Variants in THSD7B observed in about 807,000 individuals in gnomAD.
The protein encoded by THSD7B is thrombospondin type 1 domain containing 7B, also known as thrombospondin type-1 domain-containing protein 7B.
A neutral mutation model predicts 213.6 loss-of-function variants in THSD7B; 138 were observed. The observed-to-expected ratio is 0.65, with a 90% CI of 0.56 to 0.74. The LOEUF (loss-of-function observed/expected upper bound fraction) is 0.74, where lower values mean the gene tolerates loss of function less well. Among genes scored for constraint, THSD7B ranks in the 30% least tolerant of loss-of-function variants. The pLI, the probability that THSD7B is intolerant of heterozygous loss-of-function variation, is 0.00. For missense variants in THSD7B, 1,931 were observed against 1,991.5 expected (o/e 0.97, Z 0.58); for synonymous variants, 742 against 687.0 (o/e 1.08, Z -1.25).
At chr2:137,490,764 T>TAC (rs1363591346) in intron 15 of THSD7B, among the ~76,000 whole-genome samples, 2 of 152,194 alleles carry the variant, frequency 1.3e-5, no homozygotes, top group African/African-American at 4.8e-5. Context: ...CCTACTAGGG[T>TAC]CTGAGGGTCC....
chr2:137,393,599 T>G (rs963287375), intron 12 of THSD7B, among the ~76,000 whole-genome samples: 12 of 146,800 alleles, frequency 8.2e-5, no homozygotes, highest in African/African-American at 3.0e-4. Flanking sequence ...TTTGCTATTG[T>G]GAATAATGCC....
At chr2:137,323,055 G>A (rs545581638) in intron 12 of THSD7B, among the ~76,000 whole-genome samples, 1 of 152,244 alleles carries the variant, frequency 6.6e-6, no homozygotes, top group South Asian at 2.1e-4. Context: ...CAAGCTCACT[G>A]GTCACCACCA....
At chr2:137,010,315 A>C (rs1440892460) in intron 2 of THSD7B, among the ~76,000 whole-genome samples, 1 of 152,232 alleles carries the variant, frequency 6.6e-6, no homozygotes, top group Non-Finnish European at 1.5e-5. Flanking sequence ...ATTAATCTTC[A>C]TATCTAAGCA....
intron 25 of THSD7B, among the ~76,000 whole-genome samples, chr2:137,661,811 A>G (rs981993997): frequency 5.3e-5 from 8 of 152,050 alleles, no homozygotes; most frequent in African/African-American, 1.9e-4. Flanking sequence ...CGCCATCCAC[A>G]TGCATAGTGG....
At chr2:136,976,855 T>A (rs1685489887) in intron 2 of THSD7B, among the ~76,000 whole-genome samples, 1 of 152,080 alleles carries the variant, frequency 6.6e-6, no homozygotes, top group Non-Finnish European at 1.5e-5. Context: ...TCTCCTGACC[T>A]CGTGATCCAC....
At chr2:137,293,182 A>T (rs1391695883) in intron 12 of THSD7B, among the ~76,000 whole-genome samples, 2 of 151,666 alleles carry the variant, frequency 1.3e-5, no homozygotes, top group African/African-American at 4.8e-5. Flanking sequence ...TGTATCATCC[A>T]GGCTGGAGTG....
chr2:136,783,005 A>G (rs531845891), intron 1 of THSD7B, among the ~76,000 whole-genome samples: 1 of 152,354 alleles, frequency 6.6e-6, no homozygotes, highest in Admixed American at 6.5e-5. Flanking sequence ...TTCAGAGCAA[A>G]CATCCAGGCA....
chr2:137,158,999 A>G (rs1679959969), intron 5 of THSD7B, among the ~76,000 whole-genome samples: 1 of 152,158 alleles, frequency 6.6e-6, no homozygotes, highest in Non-Finnish European at 1.5e-5. Flanking sequence ...GTGCAAGAGT[A>G]ATTACTTAAT....
At chr2:137,311,575 T>C (rs532625846) in intron 12 of THSD7B, among the ~76,000 whole-genome samples, 1 of 152,228 alleles carries the variant, frequency 6.6e-6, no homozygotes, top group South Asian at 2.1e-4. Context: ...GGCATCCCTC[T>C]CTTGTGCCCG....
At chr2:136,778,413 T>G (rs1158058641) in intron 1 of THSD7B, among the ~76,000 whole-genome samples, 1 of 152,180 alleles carries the variant, frequency 6.6e-6, no homozygotes, top group Non-Finnish European at 1.5e-5. Context: ...TGCCCCCCTC[T>G]GTATCATGTT....
chr2:136,928,382 C>G (rs1684575410), intron 2 of THSD7B, among the ~76,000 whole-genome samples: 1 of 152,140 alleles, frequency 6.6e-6, no homozygotes, highest in African/African-American at 2.4e-5. Flanking sequence ...AATTGTAAGT[C>G]AAACCATTCT....
At chr2:137,323,957 T>C (rs1684314314) in intron 12 of THSD7B, among the ~76,000 whole-genome samples, 1 of 152,316 alleles carries the variant, frequency 6.6e-6, no homozygotes, top group East Asian at 1.9e-4. Flanking sequence ...ATAATCATTT[T>C]GAAAGTGAAT....
At chr2:137,478,928 C>A (rs1239482325) in intron 15 of THSD7B, among the ~76,000 whole-genome samples, 1 of 152,096 alleles carries the variant, frequency 6.6e-6, no homozygotes, top group African/African-American at 2.4e-5. Flanking sequence ...GTAGGCCAAC[C>A]CTTGGACCCT....
At chr2:136,925,027 A>G (rs1337653932) in intron 2 of THSD7B, among the ~76,000 whole-genome samples, 2 of 152,166 alleles carry the variant, frequency 1.3e-5, no homozygotes, top group Non-Finnish European at 2.9e-5. Context: ...TGTATCCTGC[A>G]ACTTTGTTAA....
chr2:137,379,505 T>C (rs1225480471), intron 12 of THSD7B, among the ~76,000 whole-genome samples: 2 of 152,246 alleles, frequency 1.3e-5, no homozygotes, highest in Admixed American at 1.3e-4. Flanking sequence ...CTCCAGATAT[T>C]GTGCTCCCAC....
intron 17 of THSD7B, among the ~76,000 whole-genome samples, chr2:137,591,724 T>C (rs1681869680): frequency 6.6e-6 from 1 of 151,900 alleles, no homozygotes; most frequent in African/African-American, 2.4e-5. Context: ...TCAAATTCTT[T>C]TTGCTTTTAT....
chr2:137,160,353 C>T lies in THSD7B; in HGVS notation c.1510C>T (p.Pro504Ser), dbSNP rs762641815. 1 of 1,612,034 alleles carries T rather than the reference C, an allele frequency of 6.2e-7. No individual in the cohort carries two copies. Among genetic ancestry groups the T allele is most frequent in the Non-Finnish European group, 8.5e-7 (1 of 1,179,154 alleles). The change falls in exon 6 of 28, where the codon CCT becomes TCT. Residue 504 changes from proline (P) to serine (S), a missense_variant. Pro to Ser is a moderately conservative substitution (Grantham distance 74). Coordinates refer to ENST00000409968, the MANE Select transcript of THSD7B (RefSeq NM_001316349.2). ...GLCIHENCHD[P>S]QGKKGFRTRQ... ...GTGCATCCATGAAAACTGTCATGAT[C>T]CTCAGGGGAAAAAAGGTGAGTGCCT...
intron 2 of THSD7B, among the ~76,000 whole-genome samples, chr2:137,008,749 TAAAA>T (rs201327393): frequency 6.6e-6 from 1 of 152,106 alleles, no homozygotes; most frequent in Admixed American, 6.5e-5. Context: ...CAGAGTATAA[TAAAA>T]AAAATCACTT....
At chr2:137,431,339 G>A (rs1687182330) in intron 14 of THSD7B, among the ~76,000 whole-genome samples, 1 of 152,196 alleles carries the variant, frequency 6.6e-6, no homozygotes, top group African/African-American at 2.4e-5. Context: ...ATAAAAGATT[G>A]TAGAGACCAG....
Sources: gnomAD v4.1 joint callset for allele counts (sites outside exome capture counted in the v4.1 genomes callset) on GRCh38, gnomAD v4.1.1 for gene constraint, MANE v1.5 for transcripts, NCBI Gene and HGNC (gene_info 2026-07-23, HGNC 2026-07-21) for gene names.